L3MBTL3: variants seen among roughly 807,000 people sequenced by gnomAD.
L3MBTL3 encodes the protein lethal(3)malignant brain tumor-like protein 3.
In L3MBTL3, 27 loss-of-function variants were observed where a neutral mutation model predicts 102.3. The observed-to-expected ratio is 0.26, with a 90% CI of 0.19 to 0.36. L3MBTL3 has a LOEUF of 0.36. Among genes scored for constraint, L3MBTL3 ranks in the 10% least tolerant of loss-of-function variants. The pLI, the probability that L3MBTL3 is intolerant of heterozygous loss-of-function variation, is 1.00. For synonymous variants in L3MBTL3, 340 were observed against 320.9 expected (o/e 1.06, Z -0.64); for missense variants, 798 against 955.3 (o/e 0.84, Z 2.17).
chr6:130,037,884 T>C (rs1584296053), intron 2 of L3MBTL3, among the ~76,000 whole-genome samples: 1 of 152,196 alleles, frequency 6.6e-6, no homozygotes, highest in South Asian at 2.1e-4. Flanking sequence ...ACTTCTCTTA[T>C]GTAACTGTAG....
At chr6:130,057,633 TGGA>T in intron 9 of L3MBTL3, 136 bp downstream of exon 9, 1 of 715,292 alleles carries the variant, frequency 1.4e-6, no homozygotes, top group South Asian at 1.9e-5. Flanking sequence ...TGTGTTTATA[TGGA>T]GGGCAGTGAA....
chr6:130,124,234 T>C (rs960616833), intron 20 of L3MBTL3, among the ~76,000 whole-genome samples: 2 of 152,126 alleles, frequency 1.3e-5, no homozygotes, highest in African/African-American at 4.8e-5. Flanking sequence ...CCCTTTGGCT[T>C]TGGACAGTTC....
chr6:130,030,030 TG>T (rs1303141194), intron 2 of L3MBTL3, among the ~76,000 whole-genome samples: 1 of 152,134 alleles, frequency 6.6e-6, no homozygotes, highest in Non-Finnish European at 1.5e-5. Flanking sequence ...AGCTAATTTT[TG>T]TATTTTCAGT....
chr6:130,049,899 G>A, intron 5 of L3MBTL3, 69 bp downstream of exon 5: 1 of 1,533,638 alleles, frequency 6.5e-7, no homozygotes. Flanking sequence ...CCACAAACCT[G>A]CTCTTTCTTC....
rs372888385 is a variant in L3MBTL3 at position 130,020,634 on chromosome 6, C to G, written c.-94-1593C>G. 452 of 152,172 alleles carry G rather than the reference C, an allele frequency of 3.0e-3. 2 individuals are homozygous for G. The highest frequency in any genetic ancestry group is 6.8e-3 in the Middle Eastern group (2 of 296). 9.4% of individuals were successfully genotyped at this position (152,172 alleles called of 1,614,324 possible). The stretch of plus-strand genomic sequence containing the variant: ...TAGCCGCTTTCCAGGGCGCGGGGAC[C>G]GCGGCTCTACCCCACCCTTCCACGG... On this transcript the variant is annotated intron_variant, in intron 1 of 22. Coordinates refer to ENST00000361794, the MANE Select transcript of L3MBTL3 (RefSeq NM_032438.4).
chr6:130,050,248 C>A (rs761050037), intron 5 of L3MBTL3, among the ~76,000 whole-genome samples: 8 of 152,210 alleles, frequency 5.3e-5, no homozygotes, highest in Non-Finnish European at 1.2e-4. Context: ...TTTAGCAGAA[C>A]ATACAAAGAT....
intron 17 of L3MBTL3, among the ~76,000 whole-genome samples, chr6:130,093,833 G>T (rs1325105418): frequency 6.6e-6 from 1 of 152,238 alleles, no homozygotes; most frequent in Non-Finnish European, 1.5e-5. Context: ...AATGTAGAAA[G>T]AAGAGCATGG....
In L3MBTL3 at chr6:130,033,188, G is replaced by T. The variant is rs188781533; in HGVS notation, c.-15-9497G>T. On this transcript the variant is annotated intron_variant, in intron 2 of 22. Coordinates refer to ENST00000361794, the MANE Select transcript of L3MBTL3 (RefSeq NM_032438.4). Reference sequence around the variant, plus strand: ...AGCATTTGGTTTGCGCCTATGAAAGGATGACGGGAGCTGGGTGAGTCGGGT... The same window carrying T: ...AGCATTTGGTTTGCGCCTATGAAAGTATGACGGGAGCTGGGTGAGTCGGGT... Among the ~76,000 whole-genome samples, 6 of 152,290 alleles carry T rather than the reference G, an allele frequency of 3.9e-5. No individual in the cohort carries two copies. The East Asian group carries it at 1.2e-3, about 29-fold the overall frequency.
intron 15 of L3MBTL3, among the ~76,000 whole-genome samples, 185 bp from the exon 16 acceptor site, chr6:130,085,955 G>A (rs937307719): frequency 6.6e-6 from 1 of 152,004 alleles, no homozygotes; most frequent in Non-Finnish European, 1.5e-5. Flanking sequence ...GTTCAGCCAT[G>A]TTGGCCAGGC....
intron 1 of L3MBTL3, among the ~76,000 whole-genome samples, chr6:130,021,572 A>G (rs1779018485): frequency 6.6e-6 from 1 of 152,194 alleles, no homozygotes; most frequent in African/African-American, 2.4e-5. Flanking sequence ...GTCTCAGCTG[A>G]TGACTTTATT....
At chr6:130,061,356 C>T (rs1334395453) in intron 10 of L3MBTL3, among the ~76,000 whole-genome samples, 4 of 152,186 alleles carry the variant, frequency 2.6e-5, no homozygotes, top group African/African-American at 9.6e-5. Flanking sequence ...GCTGGGATTA[C>T]AAGCGTGAGC....
intron 14 of L3MBTL3, among the ~76,000 whole-genome samples, chr6:130,079,440 A>T (rs1451851538): frequency 6.6e-6 from 1 of 152,080 alleles, no homozygotes; most frequent in Non-Finnish European, 1.5e-5. Flanking sequence ...TTTTGAGTTT[A>T]TTTTATGTGC....
chr6:130,048,258 A>G (rs1185626519), intron 3 of L3MBTL3, among the ~76,000 whole-genome samples: 2 of 152,220 alleles, frequency 1.3e-5, no homozygotes, highest in Non-Finnish European at 2.9e-5. Context: ...AATTTCTGTG[A>G]AAGATCTGAA....
At chr6:130,086,992 G>A (rs1584402715) in intron 16 of L3MBTL3, among the ~76,000 whole-genome samples, 1 of 152,106 alleles carries the variant, frequency 6.6e-6, no homozygotes, top group East Asian at 1.9e-4. Flanking sequence ...AACATTTGTG[G>A]GAAGTATACA....
chr6:130,079,153 C>T (rs949961964), intron 14 of L3MBTL3, among the ~76,000 whole-genome samples: 4 of 152,166 alleles, frequency 2.6e-5, no homozygotes, highest in Non-Finnish European at 5.9e-5. Flanking sequence ...AGCATCAGTC[C>T]TCACAGAAGC....
At chr6:130,049,683 CT>C in intron 4 of L3MBTL3, 72 bp from the exon 5 acceptor site, 1 of 1,597,022 alleles carries the variant, frequency 6.3e-7, no homozygotes, top group Non-Finnish European at 8.6e-7. Flanking sequence ...AAGCCTGCCA[CT>C]TTTTTTCTCA....
intron 2 of L3MBTL3, among the ~76,000 whole-genome samples, chr6:130,031,331 T>C (rs1779709951): frequency 6.6e-6 from 1 of 152,198 alleles, no homozygotes; most frequent in Non-Finnish European, 1.5e-5. Flanking sequence ...CTACCTTACT[T>C]TCATGTTATT....
At chr6:130,034,295 C>T (rs189807111) in intron 2 of L3MBTL3, among the ~76,000 whole-genome samples, 1 of 152,148 alleles carries the variant, frequency 6.6e-6, no homozygotes, top group African/African-American at 2.4e-5. Context: ...TCACGATTCT[C>T]AACTTGAAAA....
intron 1 of L3MBTL3, among the ~76,000 whole-genome samples, chr6:130,019,976 AGGC>A (rs1343930929): frequency 1.6e-5 from 1 of 64,302 alleles, no homozygotes; most frequent in Non-Finnish European, 2.9e-5. Context: ...GTGTGTCGGG[AGGC>A]GGCGGCGGCG....
Sources: gnomAD v4.1 joint callset for allele counts (sites outside exome capture counted in the v4.1 genomes callset) on GRCh38, gnomAD v4.1.1 for gene constraint, MANE v1.5 for transcripts, NCBI Gene and HGNC (gene_info 2026-07-23, HGNC 2026-07-21) for gene names.